Variants in CCSER1 observed in about 807,000 individuals in gnomAD.
CCSER1 encodes serine-rich coiled-coil domain-containing protein 1.
In CCSER1, 41 loss-of-function variants were observed where a neutral mutation model predicts 82.0. That is an observed-to-expected ratio of 0.50 (90% CI 0.39 to 0.65). The LOEUF (loss-of-function observed/expected upper bound fraction) is 0.65. Among genes scored for constraint, CCSER1 ranks in the 30% least tolerant of loss-of-function variants. The pLI, the probability that CCSER1 is intolerant of heterozygous loss-of-function variation, is 0.00. For synonymous variants in CCSER1, 414 were observed against 383.9 expected (o/e 1.08, Z -0.92); for missense variants, 1,119 against 1,064.2 (o/e 1.05, Z -0.72).
intron 1 of CCSER1, among the ~76,000 whole-genome samples, chr4:90,222,632 C>T (rs1042948656): frequency 6.6e-6 from 1 of 151,976 alleles, no homozygotes; most frequent in South Asian, 2.1e-4. Context: ...CTTTTTAATC[C>T]CTTGGTACTC....
intron 10 of CCSER1, among the ~76,000 whole-genome samples, chr4:91,425,578 T>C (rs185398783): frequency 1.3e-5 from 2 of 152,270 alleles, no homozygotes; most frequent in East Asian, 3.9e-4. Flanking sequence ...TAAGTTATCT[T>C]CTTTAGGACA....
intron 1 of CCSER1, among the ~76,000 whole-genome samples, chr4:90,206,340 T>C (rs1738831114): frequency 6.6e-6 from 1 of 152,220 alleles, no homozygotes; most frequent in Non-Finnish European, 1.5e-5. Flanking sequence ...CATTTACTGC[T>C]ATAAATTTCC....
chr4:90,884,835 A>C (rs1442774106), intron 8 of CCSER1, among the ~76,000 whole-genome samples: 6 of 152,140 alleles, frequency 3.9e-5, no homozygotes, highest in African/African-American at 1.2e-4. Flanking sequence ...AAGATAGGAA[A>C]GATTTCAGCA....
chr4:90,432,720 G>A (rs1033919782), intron 4 of CCSER1, among the ~76,000 whole-genome samples: 1 of 152,046 alleles, frequency 6.6e-6, no homozygotes, highest in African/African-American at 2.4e-5. Context: ...CTCCCCAGTA[G>A]CTGAGACTAT....
chr4:90,689,133 G>A (rs1468018410), intron 6 of CCSER1, among the ~76,000 whole-genome samples: 1 of 152,012 alleles, frequency 6.6e-6, no homozygotes, highest in Non-Finnish European at 1.5e-5. Flanking sequence ...TTTAATCTTT[G>A]GAATGCTGAT....
At chr4:91,385,921 CA>C (rs919592571) in intron 10 of CCSER1, among the ~76,000 whole-genome samples, 26 of 151,798 alleles carry the variant, frequency 1.7e-4, no homozygotes, top group African/African-American at 6.3e-4. Flanking sequence ...TTTGTTTTTA[CA>C]TACATATAAA....
intron 10 of CCSER1, among the ~76,000 whole-genome samples, chr4:91,499,948 T>C (rs1387743025): frequency 6.6e-6 from 1 of 152,048 alleles, no homozygotes; most frequent in African/African-American, 2.4e-5. Flanking sequence ...AATGTATAGG[T>C]TTCTGAGTGC....
intron 10 of CCSER1, among the ~76,000 whole-genome samples, chr4:91,174,485 T>C (rs1236873240): frequency 6.6e-6 from 1 of 152,264 alleles, no homozygotes; most frequent in Admixed American, 6.5e-5. Flanking sequence ...GGGAAGCATG[T>C]GCAGGACATG....
At chr4:91,147,538 T>G (rs1433120281) in intron 10 of CCSER1, among the ~76,000 whole-genome samples, 1 of 152,214 alleles carries the variant, frequency 6.6e-6, no homozygotes, top group East Asian at 1.9e-4. Context: ...AGTTTTCTGA[T>G]AGTGGGGGCT....
chr4:91,532,091 A>C (rs976970467), intron 10 of CCSER1, among the ~76,000 whole-genome samples: 1 of 152,222 alleles, frequency 6.6e-6, no homozygotes, highest in South Asian at 2.1e-4. Context: ...AGAATGGAGA[A>C]TGTCAAGACG....
intron 9 of CCSER1, among the ~76,000 whole-genome samples, chr4:91,029,830 A>C (rs1471482448): frequency 1.3e-5 from 2 of 152,160 alleles, no homozygotes; most frequent in Non-Finnish European, 2.9e-5. Context: ...AGTTCTATTT[A>C]AATGGATAAG....
intron 8 of CCSER1, among the ~76,000 whole-genome samples, chr4:90,912,130 A>G (rs1422192911): frequency 6.6e-6 from 1 of 152,174 alleles, no homozygotes; most frequent in Non-Finnish European, 1.5e-5. Flanking sequence ...GGAATACAGT[A>G]GTGTTTCTTC....
At chr4:90,321,317 G>C (rs1040282321) in intron 3 of CCSER1, among the ~76,000 whole-genome samples, 2 of 152,032 alleles carry the variant, frequency 1.3e-5, no homozygotes, top group Non-Finnish European at 2.9e-5. Flanking sequence ...GGCAAAATTT[G>C]TCTTTCCACA....
chr4:91,331,644 A>AT (rs2149276909), intron 10 of CCSER1, among the ~76,000 whole-genome samples: 1 of 152,246 alleles, frequency 6.6e-6, no homozygotes, highest in South Asian at 2.1e-4. Context: ...ACAAATTTGC[A>AT]TAAAATAATA....
At chr4:90,235,029 CTG>C (rs1386761424) in intron 1 of CCSER1, 1 of 152,246 alleles carries the variant, frequency 6.6e-6, no homozygotes, top group Non-Finnish European at 1.5e-5. Context: ...TCTGCCATCT[CTG>C]TTACCATCGA....
intron 10 of CCSER1, among the ~76,000 whole-genome samples, chr4:91,485,801 G>C (rs780962979): frequency 2.0e-5 from 3 of 152,022 alleles, no homozygotes; most frequent in South Asian, 2.1e-4. Flanking sequence ...TAATAGAGAT[G>C]ATGAAGCAAA....
At chr4:91,322,748 G>C (rs949460585) in intron 10 of CCSER1, among the ~76,000 whole-genome samples, 2 of 152,092 alleles carry the variant, frequency 1.3e-5, no homozygotes, top group Non-Finnish European at 2.9e-5. Flanking sequence ...AAATAGATCT[G>C]AAAATCTGAT....
intron 5 of CCSER1, among the ~76,000 whole-genome samples, chr4:90,605,746 T>C (rs1784620497): frequency 6.6e-6 from 1 of 152,174 alleles, no homozygotes. Context: ...AATGATTTTT[T>C]ATAATTTTTT....
At position 91,086,001 on chromosome 4, in the gene CCSER1, A is replaced by C. The variant is rs1194179631; in HGVS notation, c.2217+7A>C. ...AGTACAAGGAGGGAGAGAGGTAAGA[A>C]TGTTTAAAGAAGAGGGGTGGGAAAA... On this transcript the variant is annotated splice_region_variant and intron_variant, in intron 10 of 10. Coordinates refer to ENST00000509176, the MANE Select transcript of CCSER1 (RefSeq NM_001145065.2). 7.4e-6 allele frequency: 11 copies of C among 1,496,202 alleles called. No individual in the cohort carries two copies. The highest frequency in any genetic ancestry group is 1.0e-5 in the Non-Finnish European group (11 of 1,097,006). 92.7% of individuals were successfully genotyped at this position (1,496,202 alleles called of 1,614,324 possible).
Sources: allele counts gnomAD v4.1 joint callset (sites outside exome capture counted in the v4.1 genomes callset), GRCh38; gene constraint gnomAD v4.1.1; transcripts MANE v1.5; gene names NCBI Gene and HGNC (gene_info 2026-07-23, HGNC 2026-07-21).